ADRA1A: variants seen among roughly 807,000 people sequenced by gnomAD.
ADRA1A encodes the protein adrenoceptor alpha 1A.
A neutral mutation model predicts 29.6 loss-of-function variants in ADRA1A; 31 were observed. The ratio of observed to expected loss-of-function variants is 1.05; its 90% CI spans 0.79 to 1.41. ADRA1A has a LOEUF of 1.41. Ranked by LOEUF, ADRA1A falls within the 40% of genes most tolerant of loss-of-function variation. ADRA1A has a pLI of 0.00. For missense variants in ADRA1A, 619 were observed against 601.1 expected (o/e 1.03, Z -0.31); for synonymous variants, 311 against 254.3 (o/e 1.22, Z -2.12).
chr8:26,751,713 C>T (rs1266473139), downstream of ADRA1A, among the ~76,000 whole-genome samples: 2 of 152,238 alleles, frequency 1.3e-5, no homozygotes, highest in Non-Finnish European at 2.9e-5. Flanking sequence ...CAATAGGCAT[C>T]AGTATTGTGT....
intron 2 of ADRA1A, among the ~76,000 whole-genome samples, chr8:26,812,384 C>G (rs900326139): frequency 6.6e-6 from 1 of 152,106 alleles, no homozygotes; most frequent in Admixed American, 6.6e-5. Flanking sequence ...AATGGTTACA[C>G]TACTCTCCTG....
rs1211147224 is a variant in ADRA1A at position 26,825,573 on chromosome 8, T to C, written c.883+38514A>G. On this transcript the variant is annotated intron_variant, in intron 2 of 2. Transcript: ENST00000380573. This position sits in a 1 kb window ranked among gnomAD's most constrained non-coding sequence, Gnocchi z 5.7. The stretch of plus-strand genomic sequence containing the variant: ...GTCAAAATTTCCTAATTTTGATACT[T>C]ATATCCCACTTATTCACTAATCCCA... 6.6e-6 allele frequency among the ~76,000 whole-genome samples: 1 copy of C among 152,218 alleles called. No homozygotes were observed. The highest frequency in any genetic ancestry group is 1.5e-5 in the Non-Finnish European group (1 of 68,030).
chr8:26,751,439 C>T (rs1413299700), downstream of ADRA1A, among the ~76,000 whole-genome samples: 3 of 152,030 alleles, frequency 2.0e-5, no homozygotes, highest in East Asian at 1.9e-4. Context: ...CATTAAGAGG[C>T]CTTTTGTCTA....
chr8:26,852,049 A>G (rs1812675829), intron 2 of ADRA1A, among the ~76,000 whole-genome samples: 1 of 152,150 alleles, frequency 6.6e-6, no homozygotes, highest in African/African-American at 2.4e-5. Context: ...CTCTGACCAC[A>G]ATGCATTAAA....
chr8:26,865,385 T>G lies in ADRA1A; in HGVS notation c.-416A>C. 9.8e-7 allele frequency: 1 copy of G among 1,018,582 alleles called. No individual in the cohort carries two copies. The highest frequency in any genetic ancestry group is 1.2e-6 in the Non-Finnish European group (1 of 850,504). 63.1% of individuals were successfully genotyped at this position (1,018,582 alleles called of 1,614,324 possible). On this transcript the variant is annotated 5_prime_UTR_variant, in exon 2 of 3. Transcript: ENST00000380573. The surrounding 1 kb of genome is among the most constrained non-coding windows in gnomAD (Gnocchi z 7.6). ...TCCTGGCTGGGGGAAGATTCAGCAT[T>G]CTGCACATGATTCGGAATTCAAAAC...
At chr8:26,807,574 C>CAT (rs111965321) in intron 2 of ADRA1A, among the ~76,000 whole-genome samples, 18,754 of 152,098 alleles carry the variant, frequency 0.12, 1,386 homozygotes, top group South Asian at 0.21. Flanking sequence ...TGGGGAGGAC[C>CAT]ATAGCATGTT....
At chr8:26,766,024 C>T (rs762584564), downstream of ADRA1A, 1 of 1,612,756 alleles carries the variant, frequency 6.2e-7, no homozygotes, top group Non-Finnish European at 8.5e-7. Context: ...CATTTGCAGA[C>T]TGCCTAGGTC....
At chr8:26,749,149 A>G (rs1371023039) in intron 2 of ADRA1A, among the ~76,000 whole-genome samples, 1 of 152,232 alleles carries the variant, frequency 6.6e-6, no homozygotes, top group Non-Finnish European at 1.5e-5. Flanking sequence ...TAGAAGCTCT[A>G]AAATAAGCTC....
At chr8:26,768,102 G>C (rs547341094), downstream of ADRA1A, among the ~76,000 whole-genome samples, 2 of 152,282 alleles carry the variant, frequency 1.3e-5, no homozygotes, top group East Asian at 3.9e-4. Flanking sequence ...TGAAAAAACA[G>C]TCACACTCCA....
chr8:26,830,564 C>G (rs1810901902), intron 2 of ADRA1A, among the ~76,000 whole-genome samples: 1 of 152,196 alleles, frequency 6.6e-6, no homozygotes, highest in Admixed American at 6.5e-5. Context: ...GAGGGTTAAA[C>G]CAAAGACGGT....
At chr8:26,852,002 A>G (rs1812670564) in intron 2 of ADRA1A, among the ~76,000 whole-genome samples, 1 of 152,174 alleles carries the variant, frequency 6.6e-6, no homozygotes, top group African/African-American at 2.4e-5. Flanking sequence ...GAAAATCTCA[A>G]TAAGTCCCAT....
rs548960417 is a variant in ADRA1A, at chr8:26,843,453, A to G, written c.883+20634T>C. Among the ~76,000 whole-genome samples, 49 of 152,160 alleles carry G rather than the reference A, an allele frequency of 3.2e-4. No individual in the cohort carries two copies. In the South Asian group the frequency reaches 3.3e-3, roughly 10 times the overall value. On this transcript the variant is annotated intron_variant, in intron 2 of 2. Transcript: ENST00000380573. ...TCCACTTCTTCCCTTTGTCCAGTAAACCACATGGGCTGATCAGGGTTGGAG... is the reference window on the plus strand; with the variant it reads ...TCCACTTCTTCCCTTTGTCCAGTAAGCCACATGGGCTGATCAGGGTTGGAG...
At chr8:26,786,380 G>A (rs2130388624) in intron 2 of ADRA1A, among the ~76,000 whole-genome samples, 1 of 151,932 alleles carries the variant, frequency 6.6e-6, no homozygotes, top group East Asian at 1.9e-4. Flanking sequence ...GATTACAGGT[G>A]CACGCTACTA....
At chr8:26,764,846 A>AT (rs1470047823), downstream of ADRA1A, among the ~76,000 whole-genome samples, 2 of 152,268 alleles carry the variant, frequency 1.3e-5, no homozygotes, top group East Asian at 3.9e-4. Flanking sequence ...CAGTGCCGTC[A>AT]TTTTTTTCTC....
At chr8:26,838,124 A>G (rs878872599) in intron 2 of ADRA1A, among the ~76,000 whole-genome samples, 4 of 152,180 alleles carry the variant, frequency 2.6e-5, no homozygotes, top group Admixed American at 2.6e-4. Flanking sequence ...AATGATACAG[A>G]TGTTCTACAA....
chr8:26,836,629 A>G (rs1418382778), intron 2 of ADRA1A, among the ~76,000 whole-genome samples: 2 of 152,234 alleles, frequency 1.3e-5, no homozygotes, highest in Admixed American at 6.5e-5. Flanking sequence ...CGAGTTATTT[A>G]GGCTACATAA....
At chr8:26,832,788 G>C (rs1039512046) in intron 2 of ADRA1A, among the ~76,000 whole-genome samples, 3 of 152,158 alleles carry the variant, frequency 2.0e-5, no homozygotes, top group South Asian at 2.1e-4. Flanking sequence ...CAAGCAGGAT[G>C]GGGTGGAAGG....
chr8:26,757,048 T>C (rs903671533), intron 2 of ADRA1A: 1 of 704,452 alleles, frequency 1.4e-6, no homozygotes, highest in Non-Finnish European at 2.6e-6. Flanking sequence ...CTGAAAGAAC[T>C]GAATACTCTT....
chr8:26,768,760 C>A (rs766429143), downstream of ADRA1A: 8 of 395,210 alleles, frequency 2.0e-5, no homozygotes, highest in Non-Finnish European at 2.4e-5. Flanking sequence ...AATCTGTAAT[C>A]TGAAACACTT....
Sources: allele counts gnomAD v4.1 joint callset (sites outside exome capture counted in the v4.1 genomes callset), GRCh38; gene constraint gnomAD v4.1.1; non-coding constraint Gnocchi (gnomAD v3.1); transcripts MANE v1.5; gene names NCBI Gene and HGNC (gene_info 2026-07-23, HGNC 2026-07-21).